Variants in FSHR observed in about 807,000 individuals in gnomAD.
FSHR encodes follicle-stimulating hormone receptor.
A neutral mutation model predicts 52.1 loss-of-function variants in FSHR; 46 were observed. The observed-to-expected ratio is 0.88, with a 90% CI of 0.70 to 1.13. FSHR has a LOEUF of 1.13. FSHR is among the 50% of genes most tolerant of loss of function. FSHR has a pLI of 0.00. For synonymous variants in FSHR, 399 were observed against 309.6 expected (o/e 1.29, Z -3.03); for missense variants, 964 against 834.6 (o/e 1.16, Z -1.91).
At chr2:49,075,379 A>G (rs1428490100) in intron 1 of FSHR, among the ~76,000 whole-genome samples, 1 of 152,154 alleles carries the variant, frequency 6.6e-6, no homozygotes, top group African/African-American at 2.4e-5. Context: ...TGAGAGAGGA[A>G]ACCTAAAAGA....
At chr2:49,101,640 G>T (rs1228762399) in intron 1 of FSHR, among the ~76,000 whole-genome samples, 1 of 151,998 alleles carries the variant, frequency 6.6e-6, no homozygotes, top group Non-Finnish European at 1.5e-5. Context: ...AGTTGAAGGG[G>T]GTCTTTGTCC....
rs891568501 is a variant in FSHR at position 48,989,376 on chromosome 2, A to G, written c.447-322T>C. Among the ~76,000 whole-genome samples the G allele has an allele frequency of 2.0e-5, 3 of 147,506 alleles. No individual in the cohort carries two copies. In the Admixed American group the frequency reaches 2.1e-4, roughly 10 times the overall value. On this transcript the variant is annotated intron_variant, in intron 5 of 9. Transcript: ENST00000406846. ...CAACTCACTGTAGCCTCAACCTCCC[A>G]GGCTCCAGTGATCCTGCCACCTCAG...
chr2:49,048,421 G>A (rs1296565766), intron 2 of FSHR, among the ~76,000 whole-genome samples: 2 of 152,074 alleles, frequency 1.3e-5, no homozygotes, highest in Admixed American at 6.6e-5. Flanking sequence ...AGGTGCTTTC[G>A]AGGAATATGG....
chr2:49,112,338 G>T (rs1028028415), intron 1 of FSHR, among the ~76,000 whole-genome samples: 2 of 151,970 alleles, frequency 1.3e-5, no homozygotes, highest in Non-Finnish European at 2.9e-5. Context: ...ACACACAATA[G>T]AACACGGAAA....
At chr2:49,071,629 C>T (rs1318301558) in intron 1 of FSHR, among the ~76,000 whole-genome samples, 1 of 152,118 alleles carries the variant, frequency 6.6e-6, no homozygotes, top group Non-Finnish European at 1.5e-5. Flanking sequence ...ATTTGTGTTG[C>T]TATAAAGGAA....
intron 1 of FSHR, among the ~76,000 whole-genome samples, chr2:49,119,178 A>G (rs1216867247): frequency 6.6e-6 from 1 of 152,200 alleles, no homozygotes; most frequent in Non-Finnish European, 1.5e-5. Context: ...GAAGACTGAT[A>G]TTATTGGGGA....
Position 49,133,219 on chromosome 2 carries a change from C to G in FSHR, c.152+21047G>C, listed in dbSNP as rs1217427413. 7.9e-5 allele frequency among the ~76,000 whole-genome samples: 12 copies of G among 152,160 alleles called. No homozygotes were observed. The East Asian group carries it at 2.1e-3, about 27-fold the overall frequency. On this transcript the variant is annotated intron_variant, in intron 1 of 9. Coordinates refer to ENST00000406846, the MANE Select transcript of FSHR (RefSeq NM_000145.4). Reference sequence around the variant, plus strand: ...CTAAGTCCTGTGCAACAGCATTTAACAGGTTGGGGTCCCCTTCTTCTGACC... The same window carrying G: ...CTAAGTCCTGTGCAACAGCATTTAAGAGGTTGGGGTCCCCTTCTTCTGACC...
At chr2:49,085,320 A>C (rs1670334373) in intron 1 of FSHR, among the ~76,000 whole-genome samples, 1 of 152,252 alleles carries the variant, frequency 6.6e-6, no homozygotes, top group Non-Finnish European at 1.5e-5. Context: ...ACTCTCAATA[A>C]ATTAGGTATT....
intron 4 of FSHR, among the ~76,000 whole-genome samples, chr2:49,011,695 C>G (rs1356858700): frequency 6.6e-6 from 1 of 151,950 alleles, no homozygotes; most frequent in African/African-American, 2.4e-5. Flanking sequence ...CAAAGTTAAG[C>G]CGATTATACA....
chr2:48,990,487 C>A (rs367799616), intron 5 of FSHR, 79 bp downstream of exon 5: 21 of 903,176 alleles, frequency 2.3e-5, no homozygotes, highest in East Asian at 1.4e-4. Context: ...CTACACAATG[C>A]ATATTAAAGG....
chr2:49,013,178 A>C (rs1667339572), intron 4 of FSHR, among the ~76,000 whole-genome samples: 1 of 148,422 alleles, frequency 6.7e-6, no homozygotes, highest in Non-Finnish European at 1.5e-5. Flanking sequence ...GGACACAGGG[A>C]GAAGGCAGCT....
chr2:48,970,758 ATCTT>A (rs1029210170), intron 8 of FSHR, among the ~76,000 whole-genome samples: 1 of 152,114 alleles, frequency 6.6e-6, no homozygotes, highest in African/African-American at 2.4e-5. Flanking sequence ...TGAAGTTACC[ATCTT>A]TCTTGTAAAT....
intron 2 of FSHR, among the ~76,000 whole-genome samples, chr2:49,023,478 T>C (rs776413319): frequency 6.6e-6 from 1 of 152,192 alleles, no homozygotes; most frequent in Non-Finnish European, 1.5e-5. Context: ...GCAACATGTC[T>C]AAGTCCAGCA....
intron 1 of FSHR, among the ~76,000 whole-genome samples, chr2:49,086,895 A>C (rs1670413682): frequency 6.6e-6 from 1 of 151,948 alleles, no homozygotes; most frequent in Non-Finnish European, 1.5e-5. Context: ...TGGCCTCCCA[A>C]AGTGGTGGGA....
chr2:48,996,484 GAC>G (rs1573067174), intron 4 of FSHR, among the ~76,000 whole-genome samples: 1 of 152,060 alleles, frequency 6.6e-6, no homozygotes, highest in Non-Finnish European at 1.5e-5. Flanking sequence ...TCTATTTAAA[GAC>G]ACCTTATTTA....
intron 2 of FSHR, among the ~76,000 whole-genome samples, chr2:49,025,368 T>G (rs1205684164): frequency 1.3e-5 from 2 of 152,148 alleles, no homozygotes; most frequent in Non-Finnish European, 2.9e-5. Flanking sequence ...CCTTAACTGG[T>G]GCTATCTGTA....
chr2:49,062,610 A>T (rs114511211), intron 2 of FSHR, among the ~76,000 whole-genome samples: 1 of 152,078 alleles, frequency 6.6e-6, no homozygotes, highest in Admixed American at 6.6e-5. Context: ...AAAGGAAACA[A>T]CCGAGTGAAG....
chr2:49,125,230 C>CT (rs563016073), intron 1 of FSHR, among the ~76,000 whole-genome samples: 1 of 152,192 alleles, frequency 6.6e-6, no homozygotes, highest in South Asian at 2.1e-4. Context: ...GATGCTCAAT[C>CT]TTTTGGCTTT....
intron 1 of FSHR, among the ~76,000 whole-genome samples, chr2:49,112,028 A>G (rs1360983106): frequency 2.0e-5 from 3 of 152,220 alleles, no homozygotes; most frequent in Non-Finnish European, 2.9e-5. Context: ...TCCAAGCTGC[A>G]GAGTAGCAAC....
Sources: allele counts gnomAD v4.1 joint callset (sites outside exome capture counted in the v4.1 genomes callset), GRCh38; gene constraint gnomAD v4.1.1; transcripts MANE v1.5; gene names NCBI Gene and HGNC (gene_info 2026-07-23, HGNC 2026-07-21).